Variants in KCNIP4 observed in about 807,000 individuals in gnomAD.
The protein encoded by KCNIP4 is potassium voltage-gated channel interacting protein 4, also known as Kv channel-interacting protein 4.
Under a neutral mutation model 34.0 loss-of-function variants are expected in KCNIP4, and 12 were observed. The observed-to-expected ratio is 0.35, with a 90% CI of 0.23 to 0.57. The LOEUF (loss-of-function observed/expected upper bound fraction) is 0.57. Ranked by LOEUF, KCNIP4 falls within the 20% of genes least tolerant of loss-of-function variation. KCNIP4 has a pLI of 0.83. For synonymous variants in KCNIP4, 124 were observed against 102.2 expected (o/e 1.21, Z -1.29); for missense variants, 238 against 311.7 (o/e 0.76, Z 1.78).
intron 1 of KCNIP4, among the ~76,000 whole-genome samples, chr4:21,745,525 C>T (rs180861675): frequency 5.9e-5 from 9 of 152,206 alleles, no homozygotes; most frequent in Non-Finnish European, 1.0e-4. Flanking sequence ...GAAAGCTTTA[C>T]TCTGTAAATT....
chr4:21,302,207 G>C (rs1431205652), intron 1 of KCNIP4, among the ~76,000 whole-genome samples: 1 of 152,130 alleles, frequency 6.6e-6, no homozygotes, highest in East Asian at 1.9e-4. Flanking sequence ...GCAGCTCTTA[G>C]AGGAAGGAAA....
chr4:21,784,423 A>G (rs951617173), intron 1 of KCNIP4, among the ~76,000 whole-genome samples: 5 of 119,524 alleles, frequency 4.2e-5, no homozygotes, highest in Admixed American at 1.5e-4. Context: ...TTAACACTAG[A>G]AAAAAAAACA....
At chr4:21,766,920 A>G (rs1488989354) in intron 1 of KCNIP4, among the ~76,000 whole-genome samples, 2 of 152,172 alleles carry the variant, frequency 1.3e-5, no homozygotes, top group Non-Finnish European at 2.9e-5. Context: ...CAGTGATCAC[A>G]ACAAAGACCC....
At chr4:21,479,813 A>T (rs934889148) in intron 1 of KCNIP4, among the ~76,000 whole-genome samples, 1 of 152,044 alleles carries the variant, frequency 6.6e-6, no homozygotes, top group Non-Finnish European at 1.5e-5. Flanking sequence ...CTAGTAAAAT[A>T]TACAATAAAA....
At chr4:21,146,625 G>A (rs1752378039) in intron 1 of KCNIP4, among the ~76,000 whole-genome samples, 1 of 152,122 alleles carries the variant, frequency 6.6e-6, no homozygotes, top group Admixed American at 6.6e-5. Flanking sequence ...CATAGATAGA[G>A]CCCTTGGCAA....
intron 1 of KCNIP4, among the ~76,000 whole-genome samples, chr4:21,476,562 C>T (rs972318137): frequency 6.6e-6 from 1 of 152,166 alleles, no homozygotes; most frequent in African/African-American, 2.4e-5. Context: ...CTTGGACTTA[C>T]ACCGTCCAGA....
intron 2 of KCNIP4, among the ~76,000 whole-genome samples, chr4:20,855,995 A>G (rs1049416782): frequency 6.6e-6 from 1 of 152,186 alleles, no homozygotes; most frequent in African/African-American, 2.4e-5. Flanking sequence ...GCATTAACAA[A>G]TTGATCTGGG....
intron 5 of KCNIP4, among the ~76,000 whole-genome samples, chr4:20,739,370 T>G (rs2149295011): frequency 6.6e-6 from 1 of 152,224 alleles, no homozygotes; most frequent in Admixed American, 6.5e-5. Flanking sequence ...CAGGTGCCCC[T>G]CTAAGACAAA....
intron 1 of KCNIP4, among the ~76,000 whole-genome samples, chr4:21,637,657 C>G (rs929929010): frequency 3.3e-5 from 5 of 151,802 alleles, no homozygotes; most frequent in Non-Finnish European, 5.9e-5. Flanking sequence ...GTGGCGCACA[C>G]CTGTAATCCC....
chr4:20,997,998 T>C (rs1737724653), intron 1 of KCNIP4, among the ~76,000 whole-genome samples: 1 of 152,186 alleles, frequency 6.6e-6, no homozygotes, highest in Non-Finnish European at 1.5e-5. Context: ...GTTAAGCTGA[T>C]AACTTAAAAT....
chr4:21,170,219 G>A (rs79551002), intron 1 of KCNIP4, among the ~76,000 whole-genome samples: 22,873 of 152,012 alleles, frequency 0.15, 1,794 homozygotes, highest in Middle Eastern at 0.22. Context: ...TATAGGTTAA[G>A]CATGGTAGAT....
intron 1 of KCNIP4, among the ~76,000 whole-genome samples, chr4:21,943,066 C>T (rs1386317576): frequency 6.6e-6 from 1 of 152,138 alleles, no homozygotes; most frequent in Admixed American, 6.5e-5. Context: ...GTCTAAATGT[C>T]TACTAGTTTG....
At chr4:21,827,102 AAAT>A (rs77767139) in intron 1 of KCNIP4, among the ~76,000 whole-genome samples, 56,860 of 151,646 alleles carry the variant, frequency 0.37, 11,743 homozygotes, top group East Asian at 0.65. Context: ...ACTGCATCTT[AAAT>A]AATAATACAA....
At chr4:20,973,543 T>A (rs531134297) in intron 1 of KCNIP4, among the ~76,000 whole-genome samples, 1 of 152,352 alleles carries the variant, frequency 6.6e-6, no homozygotes, top group South Asian at 2.1e-4. Context: ...AAGTAGCACT[T>A]TTCCTTTGAG....
At chr4:21,777,632 TCAC>T (rs1436735097) in intron 1 of KCNIP4, among the ~76,000 whole-genome samples, 1 of 152,124 alleles carries the variant, frequency 6.6e-6, no homozygotes, top group Middle Eastern at 3.2e-3. Flanking sequence ...AGAGGGTCAC[TCAC>T]AATCTTACAC....
intron 5 of KCNIP4, among the ~76,000 whole-genome samples, chr4:20,742,301 C>T (rs1173243052): frequency 4.6e-5 from 7 of 152,260 alleles, no homozygotes; most frequent in African/African-American, 9.6e-5. Flanking sequence ...TGCTGAACAT[C>T]GATGCAAAAA....
intron 1 of KCNIP4, among the ~76,000 whole-genome samples, chr4:21,937,292 C>G (rs1042453092): frequency 1.3e-5 from 2 of 152,032 alleles, no homozygotes; most frequent in Non-Finnish European, 2.9e-5. Flanking sequence ...TATTCCTTGT[C>G]TCTCACCGCA....
intron 1 of KCNIP4, among the ~76,000 whole-genome samples, chr4:20,883,420 T>G (rs987637876): frequency 2.0e-5 from 3 of 152,136 alleles, no homozygotes; most frequent in Non-Finnish European, 4.4e-5. Context: ...TGACAGCAGA[T>G]ACCTGGAGAT....
At chr4:21,437,055 G>T (rs928994522) in intron 1 of KCNIP4, among the ~76,000 whole-genome samples, 3 of 152,226 alleles carry the variant, frequency 2.0e-5, no homozygotes, top group Non-Finnish European at 1.5e-5. Flanking sequence ...TCCCATCAAG[G>T]TGATAACTTA....
Sources: allele counts gnomAD v4.1 joint callset (sites outside exome capture counted in the v4.1 genomes callset), GRCh38; gene constraint gnomAD v4.1.1; transcripts MANE v1.5; gene names NCBI Gene and HGNC (gene_info 2026-07-23, HGNC 2026-07-21).